Variants in LRP1B observed in about 807,000 individuals in gnomAD.
LRP1B encodes LDL receptor related protein 1B, also known as low-density lipoprotein receptor-related protein 1B.
In LRP1B, 217 loss-of-function variants were observed where a neutral mutation model predicts 556.6. The observed-to-expected ratio is 0.39, with a 90% CI of 0.35 to 0.44. The LOEUF (loss-of-function observed/expected upper bound fraction) is 0.44. Among genes scored for constraint, LRP1B ranks in the 20% least tolerant of loss-of-function variants. LRP1B has a pLI of 1.00. For synonymous variants in LRP1B, 2,047 were observed against 1,865.8 expected, an observed-to-expected ratio of 1.10 and a Z score of -2.50; for missense variants, 5,053 against 5,620.8, an observed-to-expected ratio of 0.90 and a Z score of 3.23.
At chr2:140,620,720 A>G (rs1683420103) in intron 41 of LRP1B, among the ~76,000 whole-genome samples, 1 of 152,100 alleles carries the variant, frequency 6.6e-6, no homozygotes, top group South Asian at 2.1e-4. Flanking sequence ...CTTAAATTAT[A>G]AATATTTACA....
intron 1 of LRP1B, among the ~76,000 whole-genome samples, chr2:141,926,631 T>C (rs945339643): frequency 5.3e-5 from 8 of 152,146 alleles, no homozygotes; most frequent in Non-Finnish European, 1.0e-4. Context: ...ATAGCCCATA[T>C]TGGCATCTAC....
chr2:140,375,600 T>A (rs1683190230), intron 68 of LRP1B, among the ~76,000 whole-genome samples: 1 of 152,128 alleles, frequency 6.6e-6, no homozygotes, highest in Non-Finnish European at 1.5e-5. Context: ...TCTACATTTA[T>A]ATCTCCTTTC....
intron 1 of LRP1B, among the ~76,000 whole-genome samples, chr2:142,034,055 T>C (rs1703794359): frequency 6.6e-6 from 1 of 151,722 alleles, no homozygotes; most frequent in South Asian, 2.1e-4. Context: ...CTCATTTACA[T>C]TGCATTTCCC....
intron 3 of LRP1B, among the ~76,000 whole-genome samples, chr2:141,380,168 G>T (rs1033150236): frequency 1.3e-5 from 2 of 151,180 alleles, no homozygotes; most frequent in African/African-American, 4.9e-5. Flanking sequence ...CAAAGCGGCA[G>T]TTTTGAGCAG....
At chr2:141,088,062 G>T (rs1239584666) in intron 7 of LRP1B, among the ~76,000 whole-genome samples, 1 of 152,088 alleles carries the variant, frequency 6.6e-6, no homozygotes, top group Non-Finnish European at 1.5e-5. Flanking sequence ...TCCTGGTAGG[G>T]GGAAGAAGGG....
intron 11 of LRP1B, among the ~76,000 whole-genome samples, chr2:141,044,509 A>C (rs867658361): frequency 6.7e-6 from 1 of 149,422 alleles, no homozygotes; most frequent in Non-Finnish European, 1.5e-5. Context: ...GAAAATTTTC[A>C]CAACCTACTC....
intron 35 of LRP1B, among the ~76,000 whole-genome samples, chr2:140,757,621 C>T (rs1373875148): frequency 6.6e-6 from 1 of 152,220 alleles, no homozygotes; most frequent in Non-Finnish European, 1.5e-5. Flanking sequence ...GTGGCCCACA[C>T]CTGTGATCCC....
chr2:141,670,752 T>A (rs1342496426), intron 2 of LRP1B, among the ~76,000 whole-genome samples: 1 of 152,224 alleles, frequency 6.6e-6, no homozygotes, highest in East Asian at 1.9e-4. Flanking sequence ...TTTGGAACTT[T>A]TGGCACTTAG....
At chr2:142,088,717 T>C (rs1706043827) in intron 1 of LRP1B, among the ~76,000 whole-genome samples, 1 of 152,078 alleles carries the variant, frequency 6.6e-6, no homozygotes, top group African/African-American at 2.4e-5. Context: ...GGCTCACACC[T>C]GTAATCCCAG....
chr2:140,247,851 T>A (rs1681235155), intron 86 of LRP1B, among the ~76,000 whole-genome samples: 1 of 151,676 alleles, frequency 6.6e-6, no homozygotes, highest in Non-Finnish European at 1.5e-5. Context: ...TGAAATTAGC[T>A]GGTTGCATAA....
intron 1 of LRP1B, among the ~76,000 whole-genome samples, chr2:141,840,798 C>T (rs542577907): frequency 6.6e-4 from 101 of 152,102 alleles, no homozygotes; most frequent in Middle Eastern, 3.4e-3. Flanking sequence ...GCGGAGGTAA[C>T]GAAATGTTTC....
chr2:141,026,940 A>C (rs778695728), intron 11 of LRP1B, among the ~76,000 whole-genome samples: 2 of 152,156 alleles, frequency 1.3e-5, no homozygotes, highest in Non-Finnish European at 2.9e-5. Context: ...AGGACCTATG[A>C]TTAGTTAGTA....
chr2:140,849,876 T>C (rs961422635), intron 29 of LRP1B, among the ~76,000 whole-genome samples: 4 of 152,122 alleles, frequency 2.6e-5, no homozygotes, highest in Non-Finnish European at 2.9e-5. Flanking sequence ...GTCCTGAAGT[T>C]TTTCTTCACA....
chr2:140,792,675 GA>G (rs926963472), intron 32 of LRP1B, among the ~76,000 whole-genome samples: 4 of 151,766 alleles, frequency 2.6e-5, no homozygotes, highest in Non-Finnish European at 4.4e-5. Flanking sequence ...AATTTAAAAA[GA>G]AAAAAATAAG....
At chr2:141,679,237 C>T (rs1014691715) in intron 2 of LRP1B, among the ~76,000 whole-genome samples, 1 of 152,084 alleles carries the variant, frequency 6.6e-6, no homozygotes, top group Non-Finnish European at 1.5e-5. Flanking sequence ...AAGAGCCTAG[C>T]CCCAGCTAAC....
chr2:141,907,158 T>C (rs7561371), intron 1 of LRP1B, among the ~76,000 whole-genome samples: 11,203 of 152,036 alleles, frequency 0.074, 1,363 homozygotes, highest in African/African-American at 0.26. Context: ...GCTCTACTTA[T>C]AGCATTGTAA....
intron 11 of LRP1B, 108 bp downstream of exon 11, chr2:141,048,878 C>T: frequency 1.2e-6 from 1 of 830,138 alleles, no homozygotes. Context: ...TTGAACCAAC[C>T]AGAAGAACTT....
chr2:141,485,110 CT>C (rs1421117917), intron 2 of LRP1B, among the ~76,000 whole-genome samples: 2 of 152,044 alleles, frequency 1.3e-5, no homozygotes, highest in Admixed American at 1.3e-4. Context: ...TAGATTATTC[CT>C]AGTGGTAAAG....
At chr2:140,358,497 G>C (rs1200696083) in intron 73 of LRP1B, among the ~76,000 whole-genome samples, 1 of 151,548 alleles carries the variant, frequency 6.6e-6, no homozygotes, top group Non-Finnish European at 1.5e-5. Flanking sequence ...AAAAAGAATT[G>C]CATAGACATA....
Sources: gnomAD v4.1 joint callset for allele counts (sites outside exome capture counted in the v4.1 genomes callset) on GRCh38, gnomAD v4.1.1 for gene constraint, MANE v1.5 for transcripts, NCBI Gene and HGNC (gene_info 2026-07-23, HGNC 2026-07-21) for gene names.